Variants in ST3GAL5 observed in about 807,000 individuals in gnomAD.
ST3GAL5 encodes the protein lactosylceramide alpha-2,3-sialyltransferase.
A neutral mutation model predicts 46.1 loss-of-function variants in ST3GAL5; 25 were observed. That is an observed-to-expected ratio of 0.54 (90% CI 0.40 to 0.76). The LOEUF is 0.76. ST3GAL5 is among the 30% of genes least tolerant of loss of function. The pLI is 0.00. For synonymous variants in ST3GAL5, 182 were observed against 192.7 expected (o/e 0.94, Z 0.46); for missense variants, 431 against 521.2 (o/e 0.83, Z 1.69).
At chr2:85,880,304 T>C (rs758384491) in intron 1 of ST3GAL5, among the ~76,000 whole-genome samples, 1 of 152,214 alleles carries the variant, frequency 6.6e-6, no homozygotes, top group Non-Finnish European at 1.5e-5. Context: ...CATTTCCATT[T>C]CTAAAACCAA....
chr2:85,844,403 C>T lies in ST3GAL5; in HGVS notation c.1001G>A (p.Arg334Gln), dbSNP rs757193745. 2.7e-5 allele frequency: 44 copies of T among 1,614,074 alleles called. No homozygotes were observed. The highest frequency in any genetic ancestry group is 3.1e-5 in the Non-Finnish European group (37 of 1,180,038). Reference sequence around the variant, plus strand: ...GAGTAGCAACAAAAATACCTTATCTCGGCCCCAGAACCTTGACTGAGGCTC... The same window carrying T: ...GAGTAGCAACAAAAATACCTTATCTTGGCCCCAGAACCTTGACTGAGGCTC... ...YSEPQSRFWG[R>Q]DKNVPTIGVI... The change falls in exon 6 of 7, where the codon CGA becomes CAA. Residue 334 changes from arginine to glutamine, a missense_variant. Arg to Gln is a conservative substitution (Grantham distance 43). Transcript: ENST00000638572.
chr2:85,853,045 C>G, intron 3 of ST3GAL5: 2 of 1,304,252 alleles, frequency 1.5e-6, no homozygotes, highest in South Asian at 1.2e-5. Flanking sequence ...CTGAGTCCAT[C>G]TGGCCATAAT....
chr2:85,850,130 G>A (rs1197301135), intron 3 of ST3GAL5: 8 of 151,978 alleles, frequency 5.3e-5, no homozygotes, highest in Non-Finnish European at 1.0e-4. Flanking sequence ...TAAGTTGTTA[G>A]CATCCGTGAA....
chr2:85,865,815 G>A (rs924145089), intron 1 of ST3GAL5: 3 of 152,228 alleles, frequency 2.0e-5, no homozygotes, highest in Admixed American at 6.5e-5. Flanking sequence ...TACTCTGCCC[G>A]TCAGACTATA....
At chr2:85,848,357 T>G in intron 3 of ST3GAL5, 153 bp from the exon 4 acceptor site, 1 of 1,564,118 alleles carries the variant, frequency 6.4e-7, no homozygotes, top group Non-Finnish European at 8.7e-7. Flanking sequence ...GAGTTAAGTT[T>G]GGCTCAGAAA....
chr2:85,879,244 G>A (rs1018135222), intron 1 of ST3GAL5, among the ~76,000 whole-genome samples: 1 of 152,114 alleles, frequency 6.6e-6, no homozygotes, highest in African/African-American at 2.4e-5. Context: ...GAGATGTGGA[G>A]GAGGAAGGTG....
At chr2:85,874,359 A>G (rs987091323) in intron 1 of ST3GAL5, among the ~76,000 whole-genome samples, 23 of 152,146 alleles carry the variant, frequency 1.5e-4, no homozygotes, top group African/African-American at 5.3e-4. Flanking sequence ...ACTTTACTGA[A>G]GAGGTAAAGA....
At chr2:85,852,868 T>A (rs1683681126) in intron 3 of ST3GAL5, 2 of 1,303,696 alleles carry the variant, frequency 1.5e-6, no homozygotes, top group Non-Finnish European at 2.0e-6. Flanking sequence ...ACCTCTAAGA[T>A]ATCCCAGGAA....
chr2:85,861,062 C>T, intron 3 of ST3GAL5, 119 bp downstream of exon 3: 2 of 778,870 alleles, frequency 2.6e-6, no homozygotes, highest in South Asian at 1.5e-5. Flanking sequence ...TAAGTGCTTT[C>T]CCCTCTGAGT....
chr2:85,873,192 T>C (rs925277878), intron 1 of ST3GAL5, among the ~76,000 whole-genome samples: 1 of 152,048 alleles, frequency 6.6e-6, no homozygotes, highest in African/African-American at 2.4e-5. Flanking sequence ...ATGACTGACA[T>C]GTTAAAGGCT....
chr2:85,885,417 C>T (rs1017724784), intron 1 of ST3GAL5, among the ~76,000 whole-genome samples: 4 of 152,218 alleles, frequency 2.6e-5, no homozygotes, highest in Non-Finnish European at 5.9e-5. Context: ...TGGCACCATA[C>T]ACAGCCAGGT....
chr2:85,842,459 T>C (rs992296159), intron 6 of ST3GAL5, among the ~76,000 whole-genome samples: 2 of 152,146 alleles, frequency 1.3e-5, no homozygotes, highest in Non-Finnish European at 2.9e-5. Context: ...TGAGATCACA[T>C]CTCCTACTGC....
intron 1 of ST3GAL5, among the ~76,000 whole-genome samples, chr2:85,885,847 A>G (rs992380563): frequency 2.0e-5 from 3 of 151,880 alleles, no homozygotes; most frequent in Admixed American, 6.6e-5. Flanking sequence ...GAAAAAAAAA[A>G]CTGGAGTAAA....
chr2:85,867,765 A>G (rs1685444934), intron 1 of ST3GAL5: 3 of 714,064 alleles, frequency 4.2e-6, no homozygotes, highest in African/African-American at 1.7e-5. Flanking sequence ...GAATTTGCCG[A>G]AGGGCAGGAC....
intron 2 of ST3GAL5, among the ~76,000 whole-genome samples, chr2:85,862,265 C>T (rs3770094): frequency 6.6e-5 from 10 of 151,418 alleles, no homozygotes; most frequent in African/African-American, 1.2e-4. Flanking sequence ...GGTTTGGGCA[C>T]GGGGCATGGC....
chr2:85,852,891 G>C (rs894104177), intron 3 of ST3GAL5: 4 of 1,303,762 alleles, frequency 3.1e-6, no homozygotes, highest in Non-Finnish European at 4.0e-6. Flanking sequence ...CCTGGAAAGC[G>C]GGGAGCAGCA....
At chr2:85,860,688 C>T (rs1684614037) in intron 3 of ST3GAL5, among the ~76,000 whole-genome samples, 1 of 152,036 alleles carries the variant, frequency 6.6e-6, no homozygotes, top group Non-Finnish European at 1.5e-5. Flanking sequence ...GCCTGGGCAA[C>T]ATGGCAAGAC....
chr2:85,846,499 T>C lies in ST3GAL5; in HGVS notation c.727A>G (p.Thr243Ala). ...GACAGTGGTGCGCCCTCTGGATAAG[T>C]CATCCTTATAGTAGTTTTATTTCCA... ...HVGNKTTIRM[T>A]YPEGAPLSDL... is the part of the protein sequence containing the mutation. Residue 243 changes from threonine to alanine, a missense_variant, in exon 5 of 7, where the codon ACT becomes GCT. Thr to Ala is a moderately conservative substitution (Grantham distance 58, BLOSUM62 0). Transcript: ENST00000638572. 6.2e-7 allele frequency: 1 copy of C among 1,614,198 alleles called. No individual in the cohort carries two copies. Among genetic ancestry groups the C allele is most frequent in the Non-Finnish European group, 8.5e-7 (1 of 1,180,034 alleles).
intron 6 of ST3GAL5, among the ~76,000 whole-genome samples, chr2:85,841,039 T>TAA (rs995086327): frequency 5.2e-5 from 5 of 96,406 alleles, no homozygotes; most frequent in Non-Finnish European, 1.1e-4. Context: ...AAAAAAAAAA[T>TAA]AAAAAAAAAA....
Sources: gnomAD v4.1 joint callset for allele counts (sites outside exome capture counted in the v4.1 genomes callset) on GRCh38, gnomAD v4.1.1 for gene constraint, MANE v1.5 for transcripts, NCBI Gene and HGNC (gene_info 2026-07-23, HGNC 2026-07-21) for gene names.